RCBTB1: variants seen among roughly 807,000 people sequenced by gnomAD.
RCBTB1 encodes RCC1 and BTB domain containing protein 1, also known as RCC1 and BTB domain-containing protein 1.
A neutral mutation model predicts 62.4 loss-of-function variants in RCBTB1; 46 were observed. The observed-to-expected ratio is 0.74, with a 90% confidence interval of 0.58 to 0.94. The LOEUF (loss-of-function observed/expected upper bound fraction) is 0.94, where lower values mean the gene tolerates loss of function less well. Ranked by LOEUF, RCBTB1 falls within the 40% of genes least tolerant of loss-of-function variation. The pLI is 0.00. For synonymous variants in RCBTB1, 222 were observed against 245.8 expected, an observed-to-expected ratio of 0.90 and a Z score of 0.91; for missense variants, 565 against 654.9, an observed-to-expected ratio of 0.86 and a Z score of 1.50.
At chr13:49,564,230 A>G (rs1167065997) in intron 4 of RCBTB1, among the ~76,000 whole-genome samples, 1 of 152,152 alleles carries the variant, frequency 6.6e-6, no homozygotes, top group African/African-American at 2.4e-5. Flanking sequence ...ACAGATGAAG[A>G]TTTCCCGATT....
Position 49,549,498 on chromosome 13 carries a change from G to A in RCBTB1, c.1005C>T (p.Cys335=), listed in dbSNP as rs1248573007. Residue 335 remains cysteine (C), a synonymous_variant, in exon 9 of 13, where the codon TGC becomes TGT. Coordinates refer to ENST00000378302, the MANE Select transcript of RCBTB1 (RefSeq NM_018191.4). ...GCCACGAGACGGCGGGAGTGGCAAA[G>A]CAGGCAAACACGTCGTCGGTGCAGG... ...HFSCTDDVFA[C]FATPAVSWRL... is the part of the protein sequence containing the mutation. 6.2e-7 allele frequency: 1 copy of A among 1,613,448 alleles called. No homozygotes were observed. Among genetic ancestry groups the A allele is most frequent in the South Asian group, 1.1e-5 (1 of 91,020 alleles).
In RCBTB1 at chr13:49,549,483, G is replaced by A. The variant is rs372016733; in HGVS notation, c.1020C>T (p.Ala340=). ...DDVFACFATP[A]VSWRLLSVEH... is the part of the protein sequence containing the mutation. ...CCACAGACAGGAGGCGCCACGAGAC[G>A]GCGGGAGTGGCAAAGCAGGCAAACA... is the stretch of plus-strand genomic sequence containing the variant. Residue 340 remains alanine, a synonymous_variant, in exon 9 of 13, where the codon GCC becomes GCT. Coordinates refer to ENST00000378302, the MANE Select transcript of RCBTB1 (RefSeq NM_018191.4). 34 of 1,612,508 alleles carry A rather than the reference G, an allele frequency of 2.1e-5. No homozygotes were observed. Among genetic ancestry groups the A allele is most frequent in the East Asian group, 6.7e-5 (3 of 44,800 alleles).
chr13:49,571,520 CAA>C (rs1963400559), intron 2 of RCBTB1, among the ~76,000 whole-genome samples: 1 of 152,188 alleles, frequency 6.6e-6, no homozygotes, highest in Non-Finnish European at 1.5e-5. Flanking sequence ...TCACAACATA[CAA>C]GGTGCATCCT....
intron 2 of RCBTB1, 33 bp downstream of exon 2, chr13:49,580,472 C>T (rs1328271794): frequency 6.6e-6 from 1 of 152,032 alleles, no homozygotes; most frequent in Non-Finnish European, 1.5e-5. Flanking sequence ...TAGTTAGTCC[C>T]AGCTACTCAA....
At chr13:49,559,733 C>T (rs559546868) in intron 5 of RCBTB1, among the ~76,000 whole-genome samples, 185 bp downstream of exon 5, 79 of 151,306 alleles carry the variant, frequency 5.2e-4, no homozygotes, top group African/African-American at 1.7e-3. Context: ...CCAGGGACAG[C>T]GTTTCAGTTT....
intron 4 of RCBTB1, among the ~76,000 whole-genome samples, chr13:49,565,565 G>C (rs1962893116): frequency 7.0e-6 from 1 of 143,760 alleles, no homozygotes; most frequent in African/African-American, 2.7e-5. Context: ...CATCTAGGAA[G>C]TGAGGAGCGT....
chr13:49,575,265 G>A lies in RCBTB1; in HGVS notation c.-42+5240C>T, dbSNP rs76646184. Among the ~76,000 whole-genome samples the A allele has an allele frequency of 1.4e-3, 208 of 152,192 alleles. 3 individuals carry two copies. Among genetic ancestry groups the A allele is most frequent in the Non-Finnish European group, 2.5e-3 (172 of 68,000 alleles). On this transcript the variant is annotated intron_variant, in intron 2 of 12. Coordinates refer to ENST00000378302, the MANE Select transcript of RCBTB1 (RefSeq NM_018191.4). ...AAAGTCAAAAACAAAAGATATTGGC[G>A]AGGCTGTACAGCAGAGGCAACACTA...
intron 1 of RCBTB1, among the ~76,000 whole-genome samples, chr13:49,581,752 T>C (rs576523922): frequency 6.6e-6 from 1 of 152,218 alleles, no homozygotes; most frequent in Admixed American, 6.5e-5. Context: ...TCTGGGGACT[T>C]GAGCATCACA....
intron 2 of RCBTB1, among the ~76,000 whole-genome samples, chr13:49,578,631 A>G (rs1039968568): frequency 3.9e-5 from 6 of 152,254 alleles, no homozygotes; most frequent in African/African-American, 1.4e-4. Flanking sequence ...ACACATGTTA[A>G]TATGTCAAAT....
chr13:49,544,699 G>A, intron 10 of RCBTB1, 38 bp downstream of exon 10: 1 of 1,556,010 alleles, frequency 6.4e-7, no homozygotes, highest in Non-Finnish European at 8.7e-7. Context: ...AGAAAGAAAA[G>A]TCAAGTTATT....
intron 12 of RCBTB1, among the ~76,000 whole-genome samples, chr13:49,540,051 A>C (rs1283243821): frequency 6.6e-6 from 1 of 152,200 alleles, no homozygotes; most frequent in Non-Finnish European, 1.5e-5. Flanking sequence ...ACTTAGCTAG[A>C]TATTTTGAAA....
rs200902196 is a variant in RCBTB1, at chr13:49,534,118, C to A, written c.*4G>T. 4 of 1,613,154 alleles carry A rather than the reference C, an allele frequency of 2.5e-6. No individual in the cohort carries two copies. The highest frequency in any genetic ancestry group is 2.7e-5 in the African/African-American group (2 of 74,960). ...ACTCACACAGAACCCAGCAGCCTTGCGCTTCAGTTCTTAAAGGCTCCACAT... is the reference window on the plus strand; with the variant it reads ...ACTCACACAGAACCCAGCAGCCTTGAGCTTCAGTTCTTAAAGGCTCCACAT... On this transcript the variant is annotated 3_prime_UTR_variant, in exon 13 of 13. Coordinates refer to ENST00000378302, the MANE Select transcript of RCBTB1 (RefSeq NM_018191.4).
chr13:49,576,177 CAAAAAAAAA>C (rs71078868), intron 2 of RCBTB1, among the ~76,000 whole-genome samples: 1 of 39,982 alleles, frequency 2.5e-5, no homozygotes, highest in South Asian at 1.7e-3. Context: ...ACAGGCGTCG[CAAAAAAAAA>C]AAAAAAAAAA....
chr13:49,553,887 A>G (rs2139194708), intron 6 of RCBTB1, among the ~76,000 whole-genome samples: 1 of 152,342 alleles, frequency 6.6e-6, no homozygotes. Flanking sequence ...AATTTATTCT[A>G]TAGAAATACT....
intron 1 of RCBTB1, 122 bp downstream of exon 1, chr13:49,585,322 G>A (rs1964342515): frequency 6.6e-6 from 1 of 152,248 alleles, no homozygotes; most frequent in Non-Finnish European, 1.5e-5. Context: ...GAGCCCGAGC[G>A]AGGGAGGCGG....
At chr13:49,576,625 C>T (rs1963804376) in intron 2 of RCBTB1, among the ~76,000 whole-genome samples, 1 of 152,086 alleles carries the variant, frequency 6.6e-6, no homozygotes, top group African/African-American at 2.4e-5. Context: ...ATGACAGGTC[C>T]TTCCAGGGCT....
chr13:49,565,248 C>T (rs1301050132), intron 4 of RCBTB1, among the ~76,000 whole-genome samples: 1 of 152,208 alleles, frequency 6.6e-6, no homozygotes, highest in African/African-American at 2.4e-5. Flanking sequence ...AGCTCCTAAC[C>T]GCGAGTGATC....
At chr13:49,551,774 T>C (rs9562893) in intron 7 of RCBTB1, among the ~76,000 whole-genome samples, 37,202 of 151,770 alleles carry the variant, frequency 0.25, 5,896 homozygotes, top group African/African-American at 0.44. Context: ...GTGGCGGCCA[T>C]CTGTAGTCCC....
At chr13:49,535,072 C>T (rs1275757293) in intron 12 of RCBTB1, among the ~76,000 whole-genome samples, 2 of 152,138 alleles carry the variant, frequency 1.3e-5, no homozygotes, top group African/African-American at 4.8e-5. Context: ...CACTTTTATG[C>T]TCTCCTAATA....
Sources: gnomAD v4.1 joint callset for allele counts (sites outside exome capture counted in the v4.1 genomes callset) on GRCh38, gnomAD v4.1.1 for gene constraint, MANE v1.5 for transcripts, NCBI Gene and HGNC (gene_info 2026-07-23, HGNC 2026-07-21) for gene names.